The following SDE2 variants were observed in gnomAD, a reference collection of about 807,000 sequenced individuals.
The protein encoded by SDE2 is spliceosome associated SDE2.
In SDE2, 31 loss-of-function variants were observed where a neutral mutation model predicts 46.9. The ratio of observed to expected loss-of-function variants is 0.66; its 90% CI spans 0.50 to 0.89. SDE2 has a LOEUF of 0.89. Ranked by LOEUF, SDE2 falls within the 40% of genes least tolerant of loss-of-function variation. The pLI is 0.00. For missense variants in SDE2, 542 were observed against 564.4 expected, an observed-to-expected ratio of 0.96 and a Z score of 0.40; for synonymous variants, 205 against 204.3, an observed-to-expected ratio of 1.00 and a Z score of -0.03.
rs2102700048 is a variant in SDE2 at position 225,984,411 on chromosome 1, A to T, written c.*891T>A. 6.6e-6 allele frequency: 1 copy of T among 152,334 alleles called. No homozygotes were observed. The highest frequency in any genetic ancestry group is 1.9e-4 in the East Asian group (1 of 5,190). 9.4% of individuals were successfully genotyped at this position (152,334 alleles called of 1,614,324 possible). ...ACCTAAGGCTTATCTTAAGGAACTA[A>T]AGAAAAAAGATCAAAGGAGACTCAA... On this transcript the variant is annotated 3_prime_UTR_variant, in exon 7 of 7. Coordinates refer to ENST00000272091, the MANE Select transcript of SDE2 (RefSeq NM_152608.4).
rs73098602 is a variant in SDE2 at position 225,985,759 on chromosome 1, A to G, written c.1135-236T>C. On this transcript the variant is annotated intron_variant, in intron 6 of 6. Transcript: ENST00000272091. ...TTCAGAACAGTAACAGAAGTATAGC[A>G]TTCCCAAACAGATTTTTAATATTGC... Among the ~76,000 whole-genome samples the G allele has an allele frequency of 7.1e-3, 1,081 of 152,314 alleles. 18 individuals carry two copies. Among genetic ancestry groups the G allele is most frequent in the African/African-American group, 0.025 (1,037 of 41,572 alleles).
intron 1 of SDE2, among the ~76,000 whole-genome samples, chr1:225,997,397 T>C (rs903925042): frequency 6.6e-6 from 1 of 152,212 alleles, no homozygotes; most frequent in Admixed American, 6.5e-5. Context: ...GTCATGTTCC[T>C]TAAGTTTCTG....
chr1:225,993,049 T>G, intron 2 of SDE2, 47 bp from the exon 3 acceptor site: 1 of 930,274 alleles, frequency 1.1e-6, no homozygotes, highest in Non-Finnish European at 1.7e-6. Flanking sequence ...TGTTCAAGGA[T>G]GGATAAAAGC....
chr1:225,994,748 T>TC (rs1656483289), intron 2 of SDE2, among the ~76,000 whole-genome samples: 2 of 152,166 alleles, frequency 1.3e-5, no homozygotes, highest in Admixed American at 1.3e-4. Context: ...CATCTAATTT[T>TC]CCCCCAAAGT....
intron 2 of SDE2, among the ~76,000 whole-genome samples, chr1:225,993,394 G>T (rs1269347600): frequency 6.6e-6 from 1 of 152,154 alleles, no homozygotes; most frequent in South Asian, 2.1e-4. Context: ...GGCAGATCAT[G>T]AGGTCAGGAG....
rs201707333 is a variant in SDE2, at chr1:225,992,390, A to G, written c.520+8T>C. 446 of 1,611,490 alleles carry G rather than the reference A, an allele frequency of 2.8e-4. 1 individual carries two copies. The African/African-American group carries it at 5.5e-3, about 20-fold the overall frequency. On this transcript the variant is annotated splice_region_variant and intron_variant, in intron 4 of 6. Coordinates refer to ENST00000272091, the MANE Select transcript of SDE2 (RefSeq NM_152608.4). ...CAGCTGAACACACTAAGGAATCCTC[A>G]TTCTCACCTTTGAGGACGGAATCCT...
At chr1:225,989,774 A>G (rs1226002162) in intron 5 of SDE2, among the ~76,000 whole-genome samples, 1 of 152,008 alleles carries the variant, frequency 6.6e-6, no homozygotes, top group Admixed American at 6.6e-5. Flanking sequence ...ACACACACAC[A>G]TTTATAAATC....
At position 225,995,351 on chromosome 1, in the gene SDE2, GC is replaced by G; in HGVS notation, c.152del (p.Cys51SerfsTer72). On this transcript the variant is annotated frameshift_variant, in exon 2 of 7. Transcript: ENST00000272091. LOFTEE classifies it high-confidence loss of function. ...CACTGGTGTTAATGAGTGCTCCATT[GC>G]ATTTCACAAAGAAGTTTTCCACTGG... is the stretch of plus-strand genomic sequence containing the variant. ...NVPVENFFVK[C>X]NGALINTSDT... The G allele has an allele frequency of 6.2e-7, 1 of 1,610,610 alleles. No individual in the cohort carries two copies. The highest frequency in any genetic ancestry group is 1.1e-5 in the South Asian group (1 of 90,798).
At position 225,992,503 on chromosome 1, in the gene SDE2, G is replaced by C. The variant is rs771250921; in HGVS notation, c.415C>G (p.Arg139Gly). 1 of 1,612,232 alleles carries C rather than the reference G, an allele frequency of 6.2e-7. No homozygotes were observed. Residue 139 changes from arginine (R) to glycine (G), a missense_variant, in exon 4 of 7, where the codon CGA becomes GGA. This residue lies in a region of SDE2 where 401 missense variants were observed against 437.8 expected (regional missense o/e 0.92). Transcript: ENST00000272091. ...GGTTCTACAAGCTTCCGCTGCAGTC[G>C]CTCCAGCCGCTTCTGCTCCTTTTCA... is the stretch of plus-strand genomic sequence containing the variant. ...EAEKEQKRLE[R>G]LQRKLVEPKH...
Position 225,988,108 on chromosome 1 carries a change from T to C in SDE2, c.922A>G (p.Met308Val), listed in dbSNP as rs368278911. The C allele has an allele frequency of 6.2e-6, 10 of 1,614,202 alleles. No homozygotes were observed. Among genetic ancestry groups the C allele is most frequent in the Middle Eastern group, 1.6e-4 (1 of 6,062 alleles). ...GTTTCTGTAACCATCCTGCTTTCCA[T>C]GTGCTCTTTGGACTCCCCCAGCTCA... ...CAELGESKEH[M>V]ESRMVTETEE... The change falls in exon 6 of 7, where the codon ATG (methionine) becomes GTG (valine). Residue 308 changes from methionine (M) to valine (V), a missense_variant. Physicochemically the swap from Met to Val is conservative, Grantham distance 21. This residue lies in a region of SDE2 where 401 missense variants were observed against 437.8 expected (regional missense o/e 0.92). Coordinates refer to ENST00000272091, the MANE Select transcript of SDE2 (RefSeq NM_152608.4).
Position 225,991,280 on chromosome 1 carries a change from C to G in SDE2, c.604G>C (p.Asp202His), listed in dbSNP as rs778814058. 1.5e-5 allele frequency: 24 copies of G among 1,613,860 alleles called. No individual in the cohort carries two copies. In the South Asian group the frequency reaches 2.6e-4, roughly 18 times the overall value. Residue 202 changes from aspartate (D) to histidine (H), a missense_variant, in exon 5 of 7, where the codon GAC (aspartate) becomes CAC (histidine). Physicochemically the swap from Asp to His is moderately conservative, Grantham distance 81 (BLOSUM62 -1). Around this residue, in one of 3 missense-constraint regions of SDE2, gnomAD observed 401 missense variants for 437.8 expected, o/e 0.92. Coordinates refer to ENST00000272091, the MANE Select transcript of SDE2 (RefSeq NM_152608.4). ...CTCTTTCCCGCACTGGCTCCTCTGTCTGTTTGAGATTTAGTAGGCCATTGC... is the reference window on the plus strand; with the variant it reads ...CTCTTTCCCGCACTGGCTCCTCTGTGTGTTTGAGATTTAGTAGGCCATTGC... Reference protein sequence around the residue: ...KRQWPTKSQTDRGASAGKRRC... With the variant: ...KRQWPTKSQTHRGASAGKRRC...
chr1:225,999,327 G>T lies in SDE2; in HGVS notation c.-15C>A, dbSNP rs372672932. The T allele has an allele frequency of 9.9e-6, 16 of 1,609,678 alleles. No homozygotes were observed. The highest frequency in any genetic ancestry group is 2.7e-5 in the African/African-American group (2 of 74,824). On this transcript the variant is annotated 5_prime_UTR_variant, in exon 1 of 7. Coordinates refer to ENST00000272091, the MANE Select transcript of SDE2 (RefSeq NM_152608.4). ...GCCTCCGCCATGTCACCGACTACCC[G>T]AACCTCAAGCCTCTCTGAGACACCA...
intron 2 of SDE2, among the ~76,000 whole-genome samples, chr1:225,993,934 TA>T (rs142630419): frequency 0.79 from 116,427 of 147,482 alleles, 46,733 homozygotes; most frequent in Non-Finnish European, 0.86. Context: ...TGCAGCTAGC[TA>T]TTTTTTTTTT....
At chr1:225,993,565 TCG>T (rs1656451902) in intron 2 of SDE2, among the ~76,000 whole-genome samples, 1 of 151,430 alleles carries the variant, frequency 6.6e-6, no homozygotes, top group Admixed American at 6.6e-5. Flanking sequence ...TGAGCTGAGC[TCG>T]TGCCACTGCA....
intron 5 of SDE2, 22 bp from the exon 6 acceptor site, chr1:225,988,410 T>G: frequency 6.2e-7 from 1 of 1,611,232 alleles, no homozygotes; most frequent in Non-Finnish European, 8.5e-7. Flanking sequence ...AACAGAAAGG[T>G]TTAACAGCGT....
chr1:225,993,350 G>A (rs968948948), intron 2 of SDE2, among the ~76,000 whole-genome samples: 6 of 152,114 alleles, frequency 3.9e-5, no homozygotes, highest in African/African-American at 1.2e-4. Context: ...AGTGGCTCAC[G>A]CCTGTAATCC....
intron 4 of SDE2, 138 bp downstream of exon 4, chr1:225,992,260 C>T (rs1656419130): frequency 8.7e-6 from 5 of 577,172 alleles, no homozygotes; most frequent in Admixed American, 3.2e-5. Flanking sequence ...GATAAAAGTG[C>T]CAAGGTTTTC....
chr1:225,984,589 C>A lies in SDE2; in HGVS notation c.*713G>T, dbSNP rs1165426782. 1 of 151,964 alleles carries A rather than the reference C, an allele frequency of 6.6e-6. No homozygotes were observed. Among genetic ancestry groups the A allele is most frequent in the Non-Finnish European group, 1.5e-5 (1 of 68,004 alleles). 9.4% of individuals were successfully genotyped at this position (151,964 alleles called of 1,614,324 possible). A position where few individuals can be genotyped will look rare whatever the true frequency, so the allele number is the denominator to read the frequency against. ...ACTCTGGGAGGCTGAGGCGGGTGGA[C>A]CACGAGGTAAAGAGATCGAGACCAT... On this transcript the variant is annotated 3_prime_UTR_variant, in exon 7 of 7. Coordinates refer to ENST00000272091, the MANE Select transcript of SDE2 (RefSeq NM_152608.4).
At chr1:225,997,887 T>C (rs538918670) in intron 1 of SDE2, among the ~76,000 whole-genome samples, 3 of 152,188 alleles carry the variant, frequency 2.0e-5, no homozygotes, top group Admixed American at 2.0e-4. Flanking sequence ...TCCCAGCACT[T>C]TGTGAGGCTG....
Sources: gnomAD v4.1 joint callset for allele counts (sites outside exome capture counted in the v4.1 genomes callset) on GRCh38, gnomAD v4.1.1 for gene constraint, gnomAD v4.1.1 regional missense constraint, MANE v1.5 for transcripts, NCBI Gene and HGNC (gene_info 2026-07-23, HGNC 2026-07-21) for gene names.